Variants in SMG5 observed in about 807,000 individuals in gnomAD.
The protein encoded by SMG5 is SMG5 nonsense mediated mRNA decay factor.
A neutral mutation model predicts 122.9 loss-of-function variants in SMG5; 53 were observed. The ratio of observed to expected loss-of-function variants is 0.43; its 90% CI spans 0.35 to 0.54. The LOEUF (loss-of-function observed/expected upper bound fraction) is 0.54. Among genes scored for constraint, SMG5 ranks in the 20% least tolerant of loss-of-function variants. The pLI is 0.01. For missense variants in SMG5, 1,153 were observed against 1,285.6 expected (o/e 0.90, Z 1.58); for synonymous variants, 477 against 490.2 (o/e 0.97, Z 0.35).
At chr1:156,284,937 T>C (rs1663106545), upstream of SMG5, among the ~76,000 whole-genome samples, 1 of 152,158 alleles carries the variant, frequency 6.6e-6, no homozygotes, top group African/African-American at 2.4e-5. Context: ...CCAGGGCCTG[T>C]GTCCCTTGAC....
chr1:156,276,960 T>C, intron 4 of SMG5, 125 bp downstream of exon 4: 2 of 894,956 alleles, frequency 2.2e-6, no homozygotes, highest in East Asian at 2.5e-5. Flanking sequence ...CATAAACCAT[T>C]TGTATGTAGT....
intron 5 of SMG5, among the ~76,000 whole-genome samples, chr1:156,273,982 A>C (rs1268809842): frequency 2.6e-5 from 4 of 152,118 alleles, no homozygotes; most frequent in African/African-American, 4.8e-5. Flanking sequence ...GACACTACTA[A>C]TGATACTCTG....
At chr1:156,273,479 T>A in intron 5 of SMG5, 29 bp from the exon 6 acceptor site, 2 of 1,603,982 alleles carry the variant, frequency 1.2e-6, no homozygotes, top group Non-Finnish European at 1.7e-6. Context: ...GAAGGGAAAC[T>A]CGATGATTTT....
chr1:156,277,529 T>C (rs951484633), intron 3 of SMG5, among the ~76,000 whole-genome samples: 3 of 149,066 alleles, frequency 2.0e-5, no homozygotes, highest in Non-Finnish European at 4.4e-5. Flanking sequence ...TTTTTTTTTT[T>C]GAGATGGAGT....
rs760090007 is a variant in SMG5, at chr1:156,265,943, T to C, written c.1693A>G (p.Ser565Gly). 12 of 1,614,192 alleles carry C rather than the reference T, an allele frequency of 7.4e-6. No individual in the cohort carries two copies. Among genetic ancestry groups the C allele is most frequent in the Non-Finnish European group, 9.3e-6 (11 of 1,180,026 alleles). Reference sequence around the variant, plus strand: ...TGGGTGGACATGGCTTGTAGATTGCTGGCAATGCTAGCCTCACTGGGGCCC... The same window carrying C: ...TGGGTGGACATGGCTTGTAGATTGCCGGCAATGCTAGCCTCACTGGGGCCC... ...PLGPSEASIA[S>G]NLQAMSTQMF... The change falls in exon 12 of 22, where the codon AGC becomes GGC. Residue 565 changes from serine to glycine, a missense_variant. This residue lies in a region of SMG5 where 631 missense variants were observed against 650.6 expected (regional missense o/e 0.97). Coordinates refer to ENST00000361813, the MANE Select transcript of SMG5 (RefSeq NM_015327.3).
At position 156,259,124 on chromosome 1, in the gene SMG5, A is replaced by G; in HGVS notation, c.2323T>C (p.Phe775Leu). The G allele has an allele frequency of 6.2e-7, 1 of 1,606,388 alleles. No individual in the cohort carries two copies. Among genetic ancestry groups the G allele is most frequent in the Non-Finnish European group, 8.5e-7 (1 of 1,176,452 alleles). ...ATGCTGCCTTGCAGGCGGGCGATGA[A>G]ATGACCAAAGCTGCGGATGCAGCAG... is the stretch of plus-strand genomic sequence containing the variant. ...RICCIRSFGH[F>L]IARLQGSILQ... is the part of the protein sequence containing the mutation. The change falls in exon 16 of 22, where the codon TTC (phenylalanine) becomes CTC (leucine). Residue 775 changes from phenylalanine (F) to leucine (L), a missense_variant. Phe to Leu is a conservative substitution (Grantham distance 22). Around this residue, in one of 5 missense-constraint regions of SMG5, gnomAD observed 631 missense variants for 650.6 expected, o/e 0.97. Coordinates refer to ENST00000361813, the MANE Select transcript of SMG5 (RefSeq NM_015327.3).
chr1:156,271,516 T>A (rs1178330315), intron 7 of SMG5, among the ~76,000 whole-genome samples: 1 of 151,918 alleles, frequency 6.6e-6, no homozygotes, highest in Non-Finnish European at 1.5e-5. Context: ...CAGCGACTTG[T>A]ATGGCGACTC....
intron 7 of SMG5, among the ~76,000 whole-genome samples, chr1:156,271,878 C>T (rs1235347441): frequency 6.6e-6 from 1 of 152,078 alleles, no homozygotes; most frequent in Non-Finnish European, 1.5e-5. Context: ...CAGGTATGAG[C>T]TACCAGGCCC....
chr1:156,288,712 A>T, the SMG5 span, among the ~76,000 whole-genome samples: 32,446 of 152,144 alleles, frequency 0.21, 3,695 homozygotes, highest in Admixed American at 0.31. Context: ...AGCTAAAATT[A>T]GTCTTCCTGT....
At chr1:156,282,506 A>C in intron 1 of SMG5, 101 bp downstream of exon 1, 1 of 1,303,412 alleles carries the variant, frequency 7.7e-7, no homozygotes, top group Non-Finnish European at 1.1e-6. Flanking sequence ...CCTCACCCGC[A>C]CCTCACCCCG....
In SMG5 at chr1:156,261,410, TG is replaced by T. The variant is rs779269052; in HGVS notation, c.2032-3del. 1.8e-5 allele frequency: 29 copies of T among 1,612,846 alleles called. No homozygotes were observed. The highest frequency in any genetic ancestry group is 2.4e-5 in the Non-Finnish European group (28 of 1,179,124). On this transcript the variant is annotated splice_region_variant and splice_polypyrimidine_tract_variant and intron_variant, in intron 13 of 21. Coordinates refer to ENST00000361813, the MANE Select transcript of SMG5 (RefSeq NM_015327.3). Reference sequence around the variant, plus strand: ...GCGGTTCCACAGACTTTGAGAGCTCTGGGGAGAGAGAAGGGAGAGGAGGCCT... The same window carrying T: ...GCGGTTCCACAGACTTTGAGAGCTCTGGGAGAGAGAAGGGAGAGGAGGCCT...
At chr1:156,263,971 T>C (rs1215334905) in intron 12 of SMG5, among the ~76,000 whole-genome samples, 3 of 152,132 alleles carry the variant, frequency 2.0e-5, no homozygotes, top group Non-Finnish European at 4.4e-5. Context: ...GGTATGGTTT[T>C]AAAAGAGTTA....
At position 156,275,183 on chromosome 1, in the gene SMG5, AG is replaced by A. The variant is rs367944356; in HGVS notation, c.455-498del. On this transcript the variant is annotated intron_variant, in intron 4 of 21. Transcript: ENST00000361813. Reference sequence around the variant, plus strand: ...CAACGACAACAACAAAATTTAAAAAAGAAAAAAAGAAAGACATGTGAATGAG... The same window carrying A: ...CAACGACAACAACAAAATTTAAAAAAAAAAAAAGAAAGACATGTGAATGAG... 4.9e-3 allele frequency among the ~76,000 whole-genome samples: 748 copies of A among 151,956 alleles called. 8 individuals are homozygous for A. The highest frequency in any genetic ancestry group is 0.018 in the African/African-American group (727 of 41,436).
Position 156,259,122 on chromosome 1 carries a change from G to T in SMG5, c.2325C>A (p.Phe775Leu), listed in dbSNP as rs1661701836. The change falls in exon 16 of 22, where the codon TTC (phenylalanine) becomes TTA (leucine). Residue 775 changes from phenylalanine (F) to leucine (L), a missense_variant. Physicochemically the swap from Phe to Leu is conservative, Grantham distance 22. Coordinates refer to ENST00000361813, the MANE Select transcript of SMG5 (RefSeq NM_015327.3). ...RICCIRSFGH[F>L]IARLQGSILQ... ...GGATGCTGCCTTGCAGGCGGGCGAT[G>T]AAATGACCAAAGCTGCGGATGCAGC... 6.2e-7 allele frequency: 1 copy of T among 1,606,450 alleles called. No homozygotes were observed. The highest frequency in any genetic ancestry group is 2.2e-5 in the East Asian group (1 of 44,730).
At chr1:156,291,488 T>G in the SMG5 span, 11 of 1,613,122 alleles carry the variant, frequency 6.8e-6, no homozygotes. Flanking sequence ...GAACCTCTAC[T>G]ACATGTTCGT....
Position 156,265,894 on chromosome 1 carries a change from A to C in SMG5, c.1742T>G (p.Phe581Cys). The stretch of plus-strand genomic sequence containing the variant: ...GTTGCTAAAGGTGGGGGCCAGTCGG[A>C]AGCAGCGCTTAGTCTGGAACATCTG... ...STQMFQTKRC[F>C]RLAPTFSNLL... The change falls in exon 12 of 22, where the codon TTC becomes TGC. Residue 581 changes from phenylalanine to cysteine, a missense_variant. By Grantham distance (205) the Phe-to-Cys change is radical (BLOSUM62 -2). Around this residue, in one of 5 missense-constraint regions of SMG5, gnomAD observed 631 missense variants for 650.6 expected, o/e 0.97. Transcript: ENST00000361813. The C allele has an allele frequency of 6.2e-7, 1 of 1,614,098 alleles. No individual in the cohort carries two copies. Among genetic ancestry groups the C allele is most frequent in the Non-Finnish European group, 8.5e-7 (1 of 1,180,000 alleles).
intron 19 of SMG5, among the ~76,000 whole-genome samples, chr1:156,251,989 C>T (rs955987398): frequency 6.6e-6 from 1 of 152,228 alleles, no homozygotes; most frequent in African/African-American, 2.4e-5. Flanking sequence ...CTCAGCTCAG[C>T]AGGGAGGTGG....
chr1:156,282,785 C>T lies in SMG5; in HGVS notation c.-105G>A, dbSNP rs879664412. 3.3e-5 allele frequency: 42 copies of T among 1,259,352 alleles called. No homozygotes were observed. Among genetic ancestry groups the T allele is most frequent in the Non-Finnish European group, 4.2e-5 (39 of 933,700 alleles). The allele number at this position is 1,259,352 out of a possible 1,614,324, so 78.0% of individuals were successfully genotyped here. A position where few individuals can be genotyped will look rare whatever the true frequency, so the allele number is the denominator to read the frequency against. ...TAGCCGCAGCCGCCGCCGCCACCGG[C>T]CCTGCTCGGCCGCCATCGCTGTGAG... On this transcript the variant is annotated 5_prime_UTR_variant, in exon 1 of 22. Transcript: ENST00000361813.
intron 5 of SMG5, 83 bp from the exon 6 acceptor site, chr1:156,273,533 G>C: frequency 7.6e-6 from 10 of 1,319,378 alleles, no homozygotes; most frequent in Non-Finnish European, 8.6e-6. Flanking sequence ...TCCACTCTGA[G>C]AGTGGTAACA....
Sources: allele counts gnomAD v4.1 joint callset (sites outside exome capture counted in the v4.1 genomes callset), GRCh38; gene constraint gnomAD v4.1.1; regional missense constraint gnomAD v4.1.1; transcripts MANE v1.5; gene names NCBI Gene and HGNC (gene_info 2026-07-23, HGNC 2026-07-21).